Variants in CFAP92 observed in about 807,000 individuals in gnomAD.
The protein encoded by CFAP92 is uncharacterized protein CFAP92.
Under a neutral mutation model 106.3 loss-of-function variants are expected in CFAP92, and 86 were observed. The observed-to-expected ratio is 0.81, with a 90% confidence interval of 0.68 to 0.97. The LOEUF is 0.97. Ranked by LOEUF, CFAP92 falls within the 50% of genes least tolerant of loss-of-function variation. The pLI, the probability that CFAP92 is intolerant of heterozygous loss-of-function variation, is 0.00. For missense variants in CFAP92, 1,204 were observed against 1,283.8 expected (o/e 0.94, Z 0.95); for synonymous variants, 477 against 506.4 (o/e 0.94, Z 0.78).
intron 11 of CFAP92, among the ~76,000 whole-genome samples, chr3:128,934,266 C>T (rs181164365): frequency 3.9e-5 from 6 of 152,256 alleles, no homozygotes; most frequent in African/African-American, 1.4e-4. Context: ...GTTGCCCAGG[C>T]TGGAGTGCAA....
At chr3:128,915,015 G>T in intron 15 of CFAP92, 104 bp downstream of exon 15, 1 of 1,154,768 alleles carries the variant, frequency 8.7e-7, no homozygotes, top group South Asian at 1.6e-5. Context: ...AAGTTTGGTT[G>T]ATAGTGTAAA....
At chr3:128,947,528 G>A (rs528752954) in intron 9 of CFAP92, among the ~76,000 whole-genome samples, 10 of 152,290 alleles carry the variant, frequency 6.6e-5, no homozygotes, top group African/African-American at 2.2e-4. Flanking sequence ...AGACAGTGTC[G>A]TGTTGCTGAA....
At chr3:128,967,922 A>G (rs1442575916) in intron 8 of CFAP92, 1 of 152,118 alleles carries the variant, frequency 6.6e-6, no homozygotes, top group African/African-American at 2.4e-5. Context: ...ATCTTACTAG[A>G]TGCCAGTGGC....
chr3:128,958,699 A>G (rs533199737), intron 9 of CFAP92, among the ~76,000 whole-genome samples: 1 of 151,890 alleles, frequency 6.6e-6, no homozygotes, highest in South Asian at 2.1e-4. Context: ...CCAGGAGTTC[A>G]GGACCAGCCT....
At chr3:128,985,844 C>T (rs1943820522) in intron 4 of CFAP92, among the ~76,000 whole-genome samples, 1 of 152,142 alleles carries the variant, frequency 6.6e-6, no homozygotes, top group African/African-American at 2.4e-5. Context: ...TGTTTCTCAG[C>T]CAGGGGTGAT....
intron 10 of CFAP92, among the ~76,000 whole-genome samples, chr3:128,940,880 A>G (rs1211350757): frequency 2.0e-5 from 3 of 149,938 alleles, no homozygotes; most frequent in African/African-American, 4.9e-5. Context: ...GACTTTGATG[A>G]AAAAAAAAAG....
chr3:128,965,660 A>T lies in CFAP92; in HGVS notation c.1204T>A (p.Ser402Thr), dbSNP rs897915671. The change falls in exon 9 of 16, where the codon TCT becomes ACT. Residue 402 changes from serine (S) to threonine (T), a missense_variant. By Grantham distance (58) the Ser-to-Thr change is moderately conservative (BLOSUM62 1). Coordinates refer to ENST00000645291, the MANE Select transcript of CFAP92 (RefSeq NM_001394090.1). Reference protein sequence around the residue: ...QTVVSRGSEKSANILDCLLTL... With the variant: ...QTVVSRGSEKTANILDCLLTL... ...AAAAGGCAATCTAAAATGTTGGCAG[A>T]CTTCTCACTGCCACGACTCACGACA... 2.5e-6 allele frequency: 1 copy of T among 398,838 alleles called. No individual in the cohort carries two copies. Among genetic ancestry groups the T allele is most frequent in the Admixed American group, 4.4e-5 (1 of 22,706 alleles). 24.7% of individuals were successfully genotyped at this position (398,838 alleles called of 1,614,324 possible). A position where few individuals can be genotyped will look rare whatever the true frequency, so the allele number is the denominator to read the frequency against.
chr3:128,964,322 T>A (rs150772224), intron 9 of CFAP92, among the ~76,000 whole-genome samples: 1 of 152,010 alleles, frequency 6.6e-6, no homozygotes, highest in South Asian at 2.1e-4. Flanking sequence ...CCTGTGTAGA[T>A]GCTCCTTTTT....
At chr3:128,977,991 T>C in intron 5 of CFAP92, 54 bp downstream of exon 5, 1 of 1,608,774 alleles carries the variant, frequency 6.2e-7, no homozygotes, top group Non-Finnish European at 8.5e-7. Context: ...ACACAACCGC[T>C]TTCCCTGCCA....
chr3:128,978,614 C>A lies in CFAP92; in HGVS notation c.668-429G>T, dbSNP rs919912533. Among the ~76,000 whole-genome samples, 4 of 152,052 alleles carry A rather than the reference C, an allele frequency of 2.6e-5. No individual in the cohort carries two copies. In the East Asian group the frequency reaches 7.7e-4, roughly 29 times the overall value. ...ACTGGTACCAAAACAGAGAAATAGA[C>A]CAATGGAACAGAACAGAGCCCTCAG... On this transcript the variant is annotated intron_variant, in intron 4 of 15. Transcript: ENST00000645291.
chr3:128,942,340 G>A (rs957577560), intron 10 of CFAP92, among the ~76,000 whole-genome samples: 1 of 152,180 alleles, frequency 6.6e-6, no homozygotes, highest in African/African-American at 2.4e-5. Context: ...GGTGAGTGGC[G>A]GCATGCAAGC....
chr3:129,025,364 G>A, the CFAP92 span, among the ~76,000 whole-genome samples: 1 of 152,152 alleles, frequency 6.6e-6, no homozygotes, highest in Admixed American at 6.5e-5. Flanking sequence ...CAGTCTCCCG[G>A]AAGCCACGGG....
chr3:129,021,327 T>C, the CFAP92 span, among the ~76,000 whole-genome samples: 5 of 152,160 alleles, frequency 3.3e-5, no homozygotes, highest in Admixed American at 6.5e-5. Context: ...GCTGTGTGAG[T>C]TGAGGGAAGG....
intron 12 of CFAP92, among the ~76,000 whole-genome samples, chr3:128,917,473 G>C (rs935640823): frequency 6.6e-6 from 1 of 152,166 alleles, no homozygotes; most frequent in Non-Finnish European, 1.5e-5. Context: ...GAGATTCTCT[G>C]CTGAGGGGTG....
chr3:128,972,951 G>C (rs1942908355), intron 7 of CFAP92, among the ~76,000 whole-genome samples: 1 of 151,968 alleles, frequency 6.6e-6, no homozygotes, highest in Non-Finnish European at 1.5e-5. Context: ...CCTCAGTCTT[G>C]CAAGTAGCTT....
intron 9 of CFAP92, among the ~76,000 whole-genome samples, chr3:128,964,492 C>T (rs1249723060): frequency 6.6e-6 from 1 of 152,190 alleles, no homozygotes; most frequent in African/African-American, 2.4e-5. Context: ...CACTGTTTCT[C>T]CAAGCCATCA....
intron 12 of CFAP92, among the ~76,000 whole-genome samples, chr3:128,919,565 C>G (rs769425192): frequency 1.2e-4 from 19 of 152,148 alleles, no homozygotes; most frequent in Non-Finnish European, 2.1e-4. Flanking sequence ...TATCTAACAT[C>G]ACTGGAGAAC....
chr3:128,912,814 C>T, intron 15 of CFAP92: 1 of 719,044 alleles, frequency 1.4e-6, no homozygotes, highest in Non-Finnish European at 2.6e-6. Flanking sequence ...ACCATCACAG[C>T]TTCTGAACTG....
chr3:129,019,591 A>G, the CFAP92 span, among the ~76,000 whole-genome samples: 1 of 152,296 alleles, frequency 6.6e-6, no homozygotes, highest in Admixed American at 6.5e-5. Context: ...TAAACTATTT[A>G]ACTTTTAATA....
Sources: gnomAD v4.1 joint callset for allele counts (sites outside exome capture counted in the v4.1 genomes callset) on GRCh38, gnomAD v4.1.1 for gene constraint, MANE v1.5 for transcripts, NCBI Gene and HGNC (gene_info 2026-07-23, HGNC 2026-07-21) for gene names.